AIFM1: variants seen among roughly 807,000 people sequenced by gnomAD.
AIFM1 encodes apoptosis-inducing factor 1, mitochondrial.
In AIFM1, 3 loss-of-function variants were observed where a neutral mutation model predicts 51.7. The ratio of observed to expected loss-of-function variants is 0.06; its 90% confidence interval spans 0.03 to 0.15. The LOEUF is 0.15. AIFM1 is among the 10% of genes least tolerant of loss of function. The pLI, the probability that AIFM1 is intolerant of heterozygous loss-of-function variation, is 1.00. For synonymous variants in AIFM1, 178 were observed against 179.4 expected, an observed-to-expected ratio of 0.99 and a Z score of 0.06; for missense variants, 330 against 476.8, an observed-to-expected ratio of 0.69 and a Z score of 2.87.
intron 13 of AIFM1, 137 bp from the exon 14 acceptor site, chrX:130,131,936 G>A (rs1302184936): frequency 1.6e-5 from 12 of 757,784 alleles, no homozygotes; most frequent in African/African-American, 8.4e-5. Context: ...CAATGGGTGC[G>A]AACTCAGTTC....
In AIFM1 at chrX:130,149,480, G is replaced by T. The variant is rs760798103; in HGVS notation, c.338C>A (p.Ala113Asp). 1 of 1,207,146 alleles carries T rather than the reference G, an allele frequency of 8.3e-7. No homozygotes were observed. Among genetic ancestry groups the T allele is most frequent in the African/African-American group, 1.7e-5 (1 of 57,643 alleles). Residue 113 changes from alanine (A) to aspartate (D), a missense_variant, in exon 3 of 16, where the codon GCC becomes GAC. By Grantham distance (126) the Ala-to-Asp change is moderately radical (BLOSUM62 -2). Transcript: ENST00000287295. Reference protein sequence around the residue: ...GLTPEQKQKKAALSASEGEEV... With the variant: ...GLTPEQKQKKDALSASEGEEV... ...AAGGGAATACTCACCAGATAACGCG[G>T]CCTTTTTCTGTTTCTGTTCTGGTGT...
chrX:130,156,983 A>G lies in AIFM1; in HGVS notation c.107-380T>C, dbSNP rs748051325. 5.3e-5 allele frequency among the ~76,000 whole-genome samples: 6 copies of G among 112,204 alleles called. No homozygotes were observed. The South Asian group carries it at 2.2e-3, about 42-fold the overall frequency. On this transcript the variant is annotated intron_variant, in intron 1 of 15. Coordinates refer to ENST00000287295, the MANE Select transcript of AIFM1 (RefSeq NM_004208.4). ...TTAACCATGGGCTACCTGGGACATTATAACAACCATTTAAGGAGTAATCTA... is the reference window on the plus strand; with the variant it reads ...TTAACCATGGGCTACCTGGGACATTGTAACAACCATTTAAGGAGTAATCTA...
Position 130,133,280 on chromosome X carries a change from A to G in AIFM1, c.1448+33T>C, listed in dbSNP as rs767409578. 5 of 1,206,945 alleles carry G rather than the reference A, an allele frequency of 4.1e-6. No homozygotes were observed. The Admixed American group carries it at 6.5e-5, about 16-fold the overall frequency. ...ATGGTCCTAGAGATACTGAGTTGTA[A>G]TCAGTTGGGTCTCCAAGGCACACCA... On this transcript the variant is annotated intron_variant, in intron 13 of 15. Transcript: ENST00000287295.
chrX:130,139,679 A>C (rs2030506456), intron 8 of AIFM1, 116 bp downstream of exon 8: 1 of 652,617 alleles, frequency 1.5e-6, no homozygotes, highest in Non-Finnish European at 2.5e-6. Context: ...ACAAGTCTGG[A>C]GAAGAGCCAT....
At chrX:130,140,421 G>A (rs1343955697) in intron 7 of AIFM1, 112 bp downstream of exon 7, 7 of 646,251 alleles carry the variant, frequency 1.1e-5, no homozygotes, top group Admixed American at 2.3e-5. Flanking sequence ...ACTCACTTCA[G>A]AGAGTCTGGG....
chrX:130,159,658 CTAAA>C (rs1448623164), intron 1 of AIFM1, among the ~76,000 whole-genome samples: 1 of 109,238 alleles, frequency 9.2e-6, no homozygotes, highest in Non-Finnish European at 1.9e-5. Flanking sequence ...CCAGAAGACC[CTAAA>C]TACAGACATT....
chrX:130,148,642 T>C (rs2030839961), intron 3 of AIFM1, among the ~76,000 whole-genome samples: 1 of 109,321 alleles, frequency 9.1e-6, no homozygotes, highest in Admixed American at 9.8e-5. Flanking sequence ...GAGACCAGCC[T>C]GGCCAACATG....
intron 9 of AIFM1, chrX:130,137,715 A>G (rs1236898015): frequency 6.6e-6 from 7 of 1,059,887 alleles, no homozygotes; most frequent in Non-Finnish European, 8.5e-6. Context: ...TTTCCTTAAT[A>G]TTTTATTTCT....
chrX:130,147,490 C>G lies in AIFM1; in HGVS notation c.605+3G>C. The G allele has an allele frequency of 8.3e-7, 1 of 1,211,882 alleles. No homozygotes were observed. Among genetic ancestry groups the G allele is most frequent in the Non-Finnish European group, 1.1e-6 (1 of 895,498 alleles). Reference sequence around the variant, plus strand: ...TAGGCTCATTTTACATAAGCAAACACACCTTCTCTCTTTTCCATTCCACTG... The same window carrying G: ...TAGGCTCATTTTACATAAGCAAACAGACCTTCTCTCTTTTCCATTCCACTG... On this transcript the variant is annotated splice_donor_region_variant and intron_variant, in intron 5 of 15. Coordinates refer to ENST00000287295, the MANE Select transcript of AIFM1 (RefSeq NM_004208.4).
chrX:130,136,413 A>C (rs748805754), intron 11 of AIFM1, among the ~76,000 whole-genome samples: 87 of 112,351 alleles, frequency 7.7e-4, no homozygotes, highest in African/African-American at 2.6e-3. Flanking sequence ...CCAGGACTCA[A>C]AACTCTGTGA....
chrX:130,144,508 C>T (rs2030685026), intron 6 of AIFM1, among the ~76,000 whole-genome samples: 1 of 111,323 alleles, frequency 9.0e-6, no homozygotes, highest in Admixed American at 9.6e-5. Context: ...TTTTTTGTGC[C>T]CTTGTGCTTT....
intron 8 of AIFM1, 124 bp downstream of exon 8, chrX:130,139,671 A>G: frequency 1.6e-6 from 1 of 613,729 alleles, no homozygotes; most frequent in Non-Finnish European, 2.7e-6. Context: ...GCCAGATAAC[A>G]AGTCTGGAGA....
chrX:130,130,732 G>A (rs980546117), intron 14 of AIFM1, among the ~76,000 whole-genome samples: 3 of 112,216 alleles, frequency 2.7e-5, no homozygotes, highest in South Asian at 3.7e-4. Flanking sequence ...TATTAGACAG[G>A]TACTTTAGAC....
In AIFM1 at chrX:130,138,642, G is replaced by A. The variant is rs12014115; in HGVS notation, c.918C>T (p.Ile306=). ...ISREVKSITI[I]GGGFLGSELA... ...GTTCGCTACCAAGGAAGCCCCCACCGATAATCGTAATTGATTTGACTTCCC... is the reference window on the plus strand; with the variant it reads ...GTTCGCTACCAAGGAAGCCCCCACCAATAATCGTAATTGATTTGACTTCCC... Residue 306 remains isoleucine (I), a synonymous_variant, in exon 9 of 16, where the codon ATC becomes ATT. Coordinates refer to ENST00000287295, the MANE Select transcript of AIFM1 (RefSeq NM_004208.4). 10,316 of 1,208,481 alleles carry A rather than the reference G, an allele frequency of 8.5e-3. 208 individuals carry two copies. In the African/African-American group the frequency reaches 0.094, roughly 11 times the overall value.
chrX:130,132,778 GCT>G (rs772969266), intron 13 of AIFM1, among the ~76,000 whole-genome samples: 80 of 91,320 alleles, frequency 8.8e-4, no homozygotes, highest in Non-Finnish European at 1.3e-3. Context: ...ACGGAGTCTC[GCT>G]CTGTCACCCA....
intron 7 of AIFM1, 60 bp downstream of exon 7, chrX:130,140,473 T>C: frequency 1.0e-6 from 1 of 985,972 alleles, no homozygotes; most frequent in Non-Finnish European, 1.4e-6. Context: ...TAGAGAAGGC[T>C]GGACTCTAAA....
chrX:130,131,556 A>G, intron 14 of AIFM1, 119 bp downstream of exon 14: 6 of 1,054,653 alleles, frequency 5.7e-6, no homozygotes, highest in Non-Finnish European at 7.9e-6. Context: ...TTTAAAGCAC[A>G]ACATGAAGAG....
intron 6 of AIFM1, among the ~76,000 whole-genome samples, chrX:130,141,215 T>C (rs774982330): frequency 8.0e-5 from 9 of 112,340 alleles, no homozygotes; most frequent in Non-Finnish European, 1.7e-4. Context: ...GAATGAGTTC[T>C]TGACCTAAAG....
At chrX:130,138,221 T>G (rs1023764906) in intron 9 of AIFM1, among the ~76,000 whole-genome samples, 12 of 111,846 alleles carry the variant, frequency 1.1e-4, no homozygotes, top group Non-Finnish European at 1.5e-4. Flanking sequence ...ATCCCAGCAC[T>G]TTGGGAGGCC....
Sources: allele counts gnomAD v4.1 joint callset (sites outside exome capture counted in the v4.1 genomes callset), GRCh38; gene constraint gnomAD v4.1.1; transcripts MANE v1.5; gene names NCBI Gene and HGNC (gene_info 2026-07-23, HGNC 2026-07-21).